ARMC2: variants seen among roughly 807,000 people sequenced by gnomAD.
The protein encoded by ARMC2 is armadillo repeat-containing protein 2.
In ARMC2, 67 loss-of-function variants were observed where a neutral mutation model predicts 90.3. That is an observed-to-expected ratio of 0.74 (90% CI 0.61 to 0.91). ARMC2 has a LOEUF of 0.91. Among genes scored for constraint, ARMC2 ranks in the 40% least tolerant of loss-of-function variants. The pLI, the probability that ARMC2 is intolerant of heterozygous loss-of-function variation, is 0.00. For missense variants in ARMC2, 920 were observed against 1,030.9 expected (o/e 0.89, Z 1.47); for synonymous variants, 393 against 393.0 (o/e 1.00, Z 0.00).
intron 11 of ARMC2, among the ~76,000 whole-genome samples, chr6:108,934,519 G>GT (rs1308110255): frequency 2.0e-5 from 3 of 152,092 alleles, no homozygotes; most frequent in African/African-American, 4.8e-5. Context: ...CATAAAATGG[G>GT]TTGGGAGGTA....
At chr6:108,981,820 C>T in the ARMC2 span, among the ~76,000 whole-genome samples, 1 of 152,128 alleles carries the variant, frequency 6.6e-6, no homozygotes, top group South Asian at 2.1e-4. Flanking sequence ...GCATGCACCA[C>T]CATGCCTGGC....
intron 2 of ARMC2, chr6:108,856,804 G>C (rs1250061369): frequency 2.0e-5 from 3 of 152,254 alleles, no homozygotes; most frequent in African/African-American, 7.2e-5. Context: ...AAAGAGCCCA[G>C]CACCATTTTT....
At chr6:108,980,631 A>G in the ARMC2 span, among the ~76,000 whole-genome samples, 1 of 152,092 alleles carries the variant, frequency 6.6e-6, no homozygotes, top group East Asian at 1.9e-4. Flanking sequence ...GCTCTGTCCC[A>G]GGGAGATGGG....
the ARMC2 span, among the ~76,000 whole-genome samples, chr6:109,032,659 T>C: frequency 0.01 from 1,540 of 151,904 alleles, 28 homozygotes; most frequent in African/African-American, 0.035. Flanking sequence ...AGAAGACAGA[T>C]ACATATATAA....
At chr6:108,937,897 C>T (rs145653559) in intron 12 of ARMC2, among the ~76,000 whole-genome samples, 45 of 151,978 alleles carry the variant, frequency 3.0e-4, no homozygotes, top group African/African-American at 8.5e-4. Flanking sequence ...GAGGTTTCAC[C>T]GTGTTAGCCA....
the ARMC2 span, among the ~76,000 whole-genome samples, chr6:109,017,335 G>A: frequency 6.6e-6 from 1 of 151,912 alleles, no homozygotes; most frequent in Admixed American, 6.6e-5. Flanking sequence ...GCCCAGGCTG[G>A]AGCGCAGTGG....
intron 10 of ARMC2, among the ~76,000 whole-genome samples, chr6:108,921,568 C>G (rs757007073): frequency 6.6e-6 from 1 of 152,194 alleles, no homozygotes; most frequent in African/African-American, 2.4e-5. Flanking sequence ...TTTCTTTTGT[C>G]TCAGCCAGAA....
chr6:109,005,152 C>G, the ARMC2 span, among the ~76,000 whole-genome samples: 2 of 152,060 alleles, frequency 1.3e-5, no homozygotes, highest in African/African-American at 2.4e-5. Flanking sequence ...TCTAATAGTA[C>G]GAGGTTGAAA....
At chr6:108,976,786 C>A (rs1000110782), downstream of ARMC2, among the ~76,000 whole-genome samples, 11 of 152,132 alleles carry the variant, frequency 7.2e-5, no homozygotes, top group African/African-American at 2.4e-4. Flanking sequence ...AGTTCACTCA[C>A]GATTTGGCTC....
At chr6:108,974,728 G>A (rs1288573594), downstream of ARMC2, among the ~76,000 whole-genome samples, 3 of 151,940 alleles carry the variant, frequency 2.0e-5, no homozygotes, top group Non-Finnish European at 4.4e-5. Context: ...AAAACACCAA[G>A]ACTCATGGGA....
At chr6:108,998,659 A>G in the ARMC2 span, 3 of 1,613,868 alleles carry the variant, frequency 1.9e-6, no homozygotes, top group African/African-American at 1.3e-5. Context: ...CCACAGCCGA[A>G]TGTGAATGAG....
the ARMC2 span, among the ~76,000 whole-genome samples, chr6:109,047,297 G>A: frequency 3.4e-4 from 41 of 120,506 alleles, no homozygotes; most frequent in South Asian, 6.3e-3. Flanking sequence ...CTACTGGGAA[G>A]TGAGGAGCCC....
chr6:108,929,087 G>A (rs1174021266), intron 11 of ARMC2, among the ~76,000 whole-genome samples: 1 of 152,060 alleles, frequency 6.6e-6, no homozygotes, highest in Non-Finnish European at 1.5e-5. Flanking sequence ...ATGTTACCCA[G>A]GCAGTAAGCA....
the ARMC2 span, among the ~76,000 whole-genome samples, chr6:108,980,123 G>A: frequency 1.8e-4 from 27 of 152,076 alleles, no homozygotes; most frequent in African/African-American, 6.0e-4. Flanking sequence ...CCCCATCTTC[G>A]TGGATTTACC....
the ARMC2 span, chr6:108,988,629 A>C: frequency 8.7e-6 from 14 of 1,612,956 alleles, no homozygotes; most frequent in Non-Finnish European, 1.2e-5. Context: ...GTTTTGATAT[A>C]AACTTTAAAG....
chr6:108,854,375 A>C lies in ARMC2; in HGVS notation c.108A>C (p.Ala36=). 4 of 1,613,310 alleles carry C rather than the reference A, an allele frequency of 2.5e-6. No individual in the cohort carries two copies. The highest frequency in any genetic ancestry group is 1.3e-5 in the African/African-American group (1 of 74,846). The stretch of plus-strand genomic sequence containing the variant: ...AAATCATAAGTGAAGCAAGAAATGC[A>C]TTAAGAACAGTTAGAACCCAAAGAC... ...SAEIISEARN[A]LRTVRTQRPF... Residue 36 remains alanine, a synonymous_variant, in exon 2 of 18, where the codon GCA becomes GCC. Transcript: ENST00000392644.
chr6:109,043,725 C>T, the ARMC2 span, among the ~76,000 whole-genome samples: 41 of 152,128 alleles, frequency 2.7e-4, no homozygotes, highest in African/African-American at 9.2e-4. Flanking sequence ...GAGAAATATT[C>T]AATGCTCATA....
chr6:108,933,025 A>G (rs2768559), intron 11 of ARMC2, among the ~76,000 whole-genome samples: 118,598 of 151,926 alleles, frequency 0.78, 46,725 homozygotes, highest in Admixed American at 0.85. Context: ...TTTTTGCATA[A>G]GATTCCTTGG....
intron 3 of ARMC2, among the ~76,000 whole-genome samples, chr6:108,865,825 C>T (rs1309027846): frequency 6.6e-6 from 1 of 151,988 alleles, no homozygotes; most frequent in Non-Finnish European, 1.5e-5. Context: ...TGAGACCAGC[C>T]TGGGCCACAT....
Sources: gnomAD v4.1 joint callset for allele counts (sites outside exome capture counted in the v4.1 genomes callset) on GRCh38, gnomAD v4.1.1 for gene constraint, MANE v1.5 for transcripts, NCBI Gene and HGNC (gene_info 2026-07-23, HGNC 2026-07-21) for gene names.